CNTN4: variants seen among roughly 807,000 people sequenced by gnomAD.
CNTN4 encodes contactin 4.
CNTN4 carries 77 observed loss-of-function variants against 122.5 expected under a neutral mutation model. That is an observed-to-expected ratio of 0.63 (90% confidence interval 0.52 to 0.76). The LOEUF (loss-of-function observed/expected upper bound fraction) is 0.76. CNTN4 is among the 30% of genes least tolerant of loss of function. The pLI is 0.00. For synonymous variants in CNTN4, 512 were observed against 447.0 expected (o/e 1.15, Z -1.83); for missense variants, 1,256 against 1,259.1 (o/e 1.00, Z 0.04).
chr3:2,194,534 T>C (rs2037745583), intron 2 of CNTN4, among the ~76,000 whole-genome samples: 1 of 152,202 alleles, frequency 6.6e-6, no homozygotes, highest in South Asian at 2.1e-4. Flanking sequence ...GGTTGAATTG[T>C]GTCCTTCCAA....
At chr3:2,303,614 C>G (rs922141208) in intron 2 of CNTN4, among the ~76,000 whole-genome samples, 1 of 152,146 alleles carries the variant, frequency 6.6e-6, no homozygotes, top group Admixed American at 6.5e-5. Context: ...AATCAATGCT[C>G]ATTTGACCAC....
At chr3:2,688,031 G>A (rs1302200802) in intron 4 of CNTN4, among the ~76,000 whole-genome samples, 1 of 152,046 alleles carries the variant, frequency 6.6e-6, no homozygotes, top group Admixed American at 6.6e-5. Flanking sequence ...CAATTGAACA[G>A]AAAAGTTGAG....
Position 3,034,714 on chromosome 3 carries a change from C to A in CNTN4, c.1866C>A (p.Asp622Glu). 6.2e-7 allele frequency: 1 copy of A among 1,614,048 alleles called. No homozygotes were observed. Among genetic ancestry groups the A allele is most frequent in the African/African-American group, 1.3e-5 (1 of 75,034 alleles). The change falls in exon 17 of 25, where the codon GAC becomes GAA. Residue 622 changes from aspartate to glutamate, a missense_variant. By Grantham distance (45) the Asp-to-Glu change is conservative. Coordinates refer to ENST00000418658, the MANE Select transcript of CNTN4 (RefSeq NM_175607.3). ...AGCTCTCCTGGAGACCCGGGCCTGACAACCACAGCCCCATCACCATGTATG... is the reference window on the plus strand; with the variant it reads ...AGCTCTCCTGGAGACCCGGGCCTGAAAACCACAGCCCCATCACCATGTATG... The part of the protein sequence containing the change: ...TAQLSWRPGP[D>E]NHSPITMYVI...
intron 2 of CNTN4, among the ~76,000 whole-genome samples, chr3:2,220,760 A>C (rs771249390): frequency 4.6e-5 from 7 of 152,110 alleles, no homozygotes; most frequent in Admixed American, 1.3e-4. Flanking sequence ...GTACTCAATA[A>C]ATGCCAATTA....
At position 3,037,310 on chromosome 3, in the gene CNTN4, C is replaced by T. The variant is rs200083284; in HGVS notation, c.2074C>T (p.Arg692Trp). ...GGAGCCCAGCCGCCCCTCAGAGAAA[C>T]GGAGAACAGAAGAAGCTCGTGAGTA... is the stretch of plus-strand genomic sequence containing the variant. ...IGEPSRPSEK[R>W]RTEEALPEVT... Residue 692 changes from arginine (R) to tryptophan (W), a missense_variant, in exon 18 of 25, where the codon CGG (arginine) becomes TGG (tryptophan). Arg to Trp is a moderately radical substitution (Grantham distance 101). Coordinates refer to ENST00000418658, the MANE Select transcript of CNTN4 (RefSeq NM_175607.3). The T allele has an allele frequency of 1.6e-5, 26 of 1,614,020 alleles. No homozygotes were observed. The highest frequency in any genetic ancestry group is 8.9e-5 in the East Asian group (4 of 44,896).
At chr3:2,127,852 A>G (rs1019184720) in intron 2 of CNTN4, among the ~76,000 whole-genome samples, 2 of 152,214 alleles carry the variant, frequency 1.3e-5, no homozygotes, top group Admixed American at 6.5e-5. Context: ...TGCAAGCTCC[A>G]CTGGTGTAGT....
chr3:2,618,361 C>T (rs2081859463), intron 4 of CNTN4, among the ~76,000 whole-genome samples: 1 of 151,910 alleles, frequency 6.6e-6, no homozygotes, highest in Non-Finnish European at 1.5e-5. Flanking sequence ...TATCATTATA[C>T]ATTTTGTATA....
intron 3 of CNTN4, among the ~76,000 whole-genome samples, chr3:2,528,805 A>G (rs1319270297): frequency 6.6e-6 from 1 of 152,004 alleles, no homozygotes; most frequent in East Asian, 1.9e-4. Flanking sequence ...TTAGTATGAC[A>G]AGCTATTTCT....
chr3:2,553,367 T>C (rs1160634085), intron 3 of CNTN4, among the ~76,000 whole-genome samples: 1 of 152,176 alleles, frequency 6.6e-6, no homozygotes, highest in East Asian at 1.9e-4. Context: ...TTATCCTTTT[T>C]CACAGCACAT....
intron 2 of CNTN4, among the ~76,000 whole-genome samples, chr3:2,140,769 G>A (rs1272884221): frequency 6.6e-6 from 1 of 152,138 alleles, no homozygotes; most frequent in Admixed American, 6.5e-5. Context: ...GCTGGTGTAT[G>A]CCTCAAAATT....
chr3:2,891,669 T>A (rs956604427), intron 10 of CNTN4, among the ~76,000 whole-genome samples: 4 of 152,126 alleles, frequency 2.6e-5, no homozygotes, highest in African/African-American at 9.7e-5. Flanking sequence ...ACTTTCTTGA[T>A]ATGCAGCAGG....
chr3:3,041,400 C>T (rs1700151456), intron 20 of CNTN4, among the ~76,000 whole-genome samples: 1 of 152,176 alleles, frequency 6.6e-6, no homozygotes, highest in South Asian at 2.1e-4. Flanking sequence ...GTTCATGTCT[C>T]TGGATTATGA....
chr3:2,997,931 CAACT>C (rs1289530163), intron 14 of CNTN4, among the ~76,000 whole-genome samples: 1 of 152,118 alleles, frequency 6.6e-6, no homozygotes, highest in Non-Finnish European at 1.5e-5. Flanking sequence ...GAAAACATAC[CAACT>C]GTCATCTTAT....
chr3:2,946,127 T>A (rs752907095), intron 13 of CNTN4, among the ~76,000 whole-genome samples: 1 of 152,134 alleles, frequency 6.6e-6, no homozygotes, highest in African/African-American at 2.4e-5. Flanking sequence ...AGTTGAAAAC[T>A]CTGGTTTTCA....
chr3:2,474,268 TTCTTGC>T (rs574909587), intron 3 of CNTN4, among the ~76,000 whole-genome samples: 3 of 152,194 alleles, frequency 2.0e-5, no homozygotes, highest in Admixed American at 6.5e-5. Flanking sequence ...AAAGCAGTAT[TTCTTGC>T]TCTTGCTCTT....
At chr3:2,124,335 C>T (rs1699174250) in intron 2 of CNTN4, among the ~76,000 whole-genome samples, 1 of 151,780 alleles carries the variant, frequency 6.6e-6, no homozygotes, top group Non-Finnish European at 1.5e-5. Context: ...TTAAAATGGG[C>T]GGTTTTAGGT....
At chr3:2,880,524 G>T (rs1445719657) in intron 8 of CNTN4, among the ~76,000 whole-genome samples, 2 of 152,198 alleles carry the variant, frequency 1.3e-5, no homozygotes, top group Non-Finnish European at 2.9e-5. Flanking sequence ...AGCTGTGTGT[G>T]AATGTTGTTG....
chr3:2,988,440 C>T lies in CNTN4; in HGVS notation c.1454C>T (p.Thr485Ile). Residue 485 changes from threonine (T) to isoleucine (I), a missense_variant, in exon 14 of 25, where the codon ACT becomes ATT. Transcript: ENST00000418658. ...YTCIATNHFGTASSTGNLVVK... is the reference protein window; with the variant it reads ...YTCIATNHFGIASSTGNLVVK... ...TGTATAGCCACTAACCATTTTGGAACTGCTAGCAGTACTGGAAACTTGGTA... is the reference window on the plus strand; with the variant it reads ...TGTATAGCCACTAACCATTTTGGAATTGCTAGCAGTACTGGAAACTTGGTA... The T allele has an allele frequency of 6.2e-7, 1 of 1,613,794 alleles. No individual in the cohort carries two copies. Among genetic ancestry groups the T allele is most frequent in the South Asian group, 1.1e-5 (1 of 91,068 alleles).
intron 3 of CNTN4, among the ~76,000 whole-genome samples, chr3:2,481,980 G>A (rs867444088): frequency 2.0e-5 from 3 of 152,160 alleles, no homozygotes; most frequent in Non-Finnish European, 2.9e-5. Context: ...AGCAGTGTGA[G>A]AACAGACTAA....
Sources: gnomAD v4.1 joint callset for allele counts (sites outside exome capture counted in the v4.1 genomes callset) on GRCh38, gnomAD v4.1.1 for gene constraint, MANE v1.5 for transcripts, NCBI Gene and HGNC (gene_info 2026-07-23, HGNC 2026-07-21) for gene names.